The following LDB2 variants were observed in gnomAD, a reference collection of about 807,000 sequenced individuals.
LDB2 encodes LIM domain-binding protein 2.
LDB2 carries 12 observed loss-of-function variants against 44.3 expected under a neutral mutation model. That is an observed-to-expected ratio of 0.27 (90% CI 0.17 to 0.44). The LOEUF is 0.44. Ranked by LOEUF, LDB2 falls within the 20% of genes least tolerant of loss-of-function variation. The probability of loss-of-function intolerance (pLI) is 1.00; values close to 1 mark genes in which losing one functional copy is unlikely to be tolerated. For synonymous variants in LDB2, 164 were observed against 174.8 expected, an observed-to-expected ratio of 0.94 and a Z score of 0.49; for missense variants, 344 against 473.5, an observed-to-expected ratio of 0.73 and a Z score of 2.54.
At chr4:16,849,402 T>C (rs1015045178) in intron 1 of LDB2, among the ~76,000 whole-genome samples, 3 of 152,232 alleles carry the variant, frequency 2.0e-5, no homozygotes, top group African/African-American at 4.8e-5. Context: ...AAGGATCTTA[T>C]TCATCGTGTC....
chr4:16,872,474 G>A (rs1478485508), intron 1 of LDB2, among the ~76,000 whole-genome samples: 1 of 152,110 alleles, frequency 6.6e-6, no homozygotes, highest in Admixed American at 6.5e-5. Context: ...CTTGTTTATT[G>A]TATGGTTCCT....
At chr4:16,755,568 C>A (rs1239060224) in intron 2 of LDB2, among the ~76,000 whole-genome samples, 1 of 141,566 alleles carries the variant, frequency 7.1e-6, no homozygotes, top group African/African-American at 2.6e-5. Context: ...AGAGAGAGAG[C>A]AAGCTGGCTT....
At chr4:16,811,697 C>T (rs1008445065) in intron 1 of LDB2, among the ~76,000 whole-genome samples, 4 of 152,180 alleles carry the variant, frequency 2.6e-5, no homozygotes, top group South Asian at 2.1e-4. Context: ...TACAGACACA[C>T]GTGTCAACTT....
intron 2 of LDB2, among the ~76,000 whole-genome samples, chr4:16,675,396 G>T (rs17492017): frequency 1.3e-5 from 2 of 151,888 alleles, no homozygotes; most frequent in African/African-American, 4.8e-5. Flanking sequence ...GTAATAAAAT[G>T]CATCTCTAAT....
chr4:16,519,862 T>G (rs1293439524), intron 5 of LDB2, among the ~76,000 whole-genome samples: 1 of 151,886 alleles, frequency 6.6e-6, no homozygotes, highest in Non-Finnish European at 1.5e-5. Context: ...TGAACACTGT[T>G]GTGATGAGAA....
chr4:16,613,425 T>C (rs1298229920), intron 2 of LDB2, among the ~76,000 whole-genome samples: 1 of 152,174 alleles, frequency 6.6e-6, no homozygotes, highest in East Asian at 1.9e-4. Context: ...TCAAGTTGTC[T>C]CTCTTTGCAG....
intron 2 of LDB2, among the ~76,000 whole-genome samples, chr4:16,646,340 T>C (rs1342625076): frequency 6.6e-6 from 1 of 152,212 alleles, no homozygotes; most frequent in Non-Finnish European, 1.5e-5. Flanking sequence ...ATATTAACTG[T>C]GGAATATTAG....
intron 2 of LDB2, among the ~76,000 whole-genome samples, chr4:16,698,919 G>A (rs1171729594): frequency 6.6e-6 from 1 of 152,110 alleles, no homozygotes; most frequent in Non-Finnish European, 1.5e-5. Context: ...GTCTTTTGAA[G>A]AAAATAAGGA....
chr4:16,759,930 T>C (rs757483041), intron 1 of LDB2, among the ~76,000 whole-genome samples: 2 of 152,148 alleles, frequency 1.3e-5, no homozygotes, highest in Non-Finnish European at 1.5e-5. Flanking sequence ...ATTCTGTTTG[T>C]TTGTTTTGGG....
intron 5 of LDB2, among the ~76,000 whole-genome samples, chr4:16,558,198 A>C (rs946793097): frequency 2.6e-5 from 4 of 152,208 alleles, no homozygotes; most frequent in Non-Finnish European, 2.9e-5. Flanking sequence ...CAATGGAACA[A>C]AGCTGGATGG....
chr4:16,503,673 C>T (rs1029628751), intron 7 of LDB2, among the ~76,000 whole-genome samples: 8 of 152,144 alleles, frequency 5.3e-5, no homozygotes, highest in South Asian at 2.1e-4. Context: ...TAAAGAGAAC[C>T]GGTCTGTCCA....
intron 2 of LDB2, among the ~76,000 whole-genome samples, chr4:16,687,632 TG>T (rs1401755638): frequency 2.0e-5 from 3 of 152,170 alleles, no homozygotes; most frequent in African/African-American, 7.2e-5. Context: ...CAGACCCAAC[TG>T]GGAGATGTAC....
At chr4:16,590,562 T>G (rs779915736) in intron 3 of LDB2, among the ~76,000 whole-genome samples, 9 of 152,236 alleles carry the variant, frequency 5.9e-5, no homozygotes, top group African/African-American at 2.2e-4. Flanking sequence ...AGGTAACATG[T>G]TCTTTAAGCA....
intron 3 of LDB2, among the ~76,000 whole-genome samples, chr4:16,592,525 C>A (rs1287066922): frequency 3.5e-5 from 5 of 143,738 alleles, no homozygotes; most frequent in South Asian, 4.5e-4. Flanking sequence ...CACACACAAA[C>A]ACACACATGA....
At chr4:16,724,282 T>C (rs1333179553) in intron 2 of LDB2, among the ~76,000 whole-genome samples, 3 of 151,820 alleles carry the variant, frequency 2.0e-5, no homozygotes, top group Non-Finnish European at 4.4e-5. Context: ...ACTATCTGGG[T>C]ATCTGTGTTC....
At chr4:16,832,825 A>C (rs1784283039) in intron 1 of LDB2, among the ~76,000 whole-genome samples, 1 of 152,250 alleles carries the variant, frequency 6.6e-6, no homozygotes, top group African/African-American at 2.4e-5. Flanking sequence ...CACTGGACAC[A>C]GGAGTTAGCT....
At chr4:16,568,452 G>A (rs941511918) in intron 5 of LDB2, among the ~76,000 whole-genome samples, 1 of 152,128 alleles carries the variant, frequency 6.6e-6, no homozygotes, top group Non-Finnish European at 1.5e-5. Context: ...AGAACCTTAT[G>A]GCTTAAAAAG....
At chr4:16,555,256 T>G (rs1166756182) in intron 5 of LDB2, among the ~76,000 whole-genome samples, 1 of 152,074 alleles carries the variant, frequency 6.6e-6, no homozygotes, top group East Asian at 1.9e-4. Context: ...TTCAGTAGAG[T>G]TAAGACAAAC....
At chr4:16,819,701 A>T (rs1356534182) in intron 1 of LDB2, among the ~76,000 whole-genome samples, 2 of 152,226 alleles carry the variant, frequency 1.3e-5, no homozygotes, top group Non-Finnish European at 2.9e-5. Context: ...AATATCATAC[A>T]TTGCTAAATT....
Sources: gnomAD v4.1 joint callset for allele counts (sites outside exome capture counted in the v4.1 genomes callset) on GRCh38, gnomAD v4.1.1 for gene constraint, MANE v1.5 for transcripts, NCBI Gene and HGNC (gene_info 2026-07-23, HGNC 2026-07-21) for gene names.